Variants in HLF observed in about 807,000 individuals in gnomAD.
HLF encodes the protein HLF transcription factor, PAR bZIP family member, also known as hepatic leukemia factor.
A neutral mutation model predicts 22.6 loss-of-function variants in HLF; 3 were observed. That is an observed-to-expected ratio of 0.13 (90% confidence interval 0.06 to 0.34). HLF has a LOEUF of 0.34. HLF is among the 10% of genes least tolerant of loss of function. The probability of loss-of-function intolerance (pLI) is 1.00; values close to 1 mark genes in which losing one functional copy is unlikely to be tolerated. For synonymous variants in HLF, 151 were observed against 151.8 expected, an observed-to-expected ratio of 0.99 and a Z score of 0.04; for missense variants, 299 against 389.2, an observed-to-expected ratio of 0.77 and a Z score of 1.95.
chr17:55,289,616 A>C (rs1024247123), intron 2 of HLF, among the ~76,000 whole-genome samples: 5 of 152,220 alleles, frequency 3.3e-5, no homozygotes, highest in Non-Finnish European at 7.3e-5. Flanking sequence ...TTTGAGAATG[A>C]CTTAAAATAC....
At chr17:55,296,738 A>G (rs532180376) in intron 2 of HLF, among the ~76,000 whole-genome samples, 33 of 152,320 alleles carry the variant, frequency 2.2e-4, no homozygotes, top group African/African-American at 7.7e-4. Flanking sequence ...CTAGATGTGG[A>G]ATTGCTGGAT....
intron 2 of HLF, among the ~76,000 whole-genome samples, chr17:55,274,058 G>A (rs1221087821): frequency 6.8e-6 from 1 of 147,242 alleles, no homozygotes; most frequent in East Asian, 2.0e-4. Context: ...GTGCCTACCA[G>A]ACTAGAAAAA....
chr17:55,282,425 A>G (rs2080962784), intron 2 of HLF, among the ~76,000 whole-genome samples: 1 of 152,214 alleles, frequency 6.6e-6, no homozygotes. Flanking sequence ...GGAATAATCT[A>G]CGTCCTTCTA....
chr17:55,270,960 T>C (rs2080850182), intron 2 of HLF, among the ~76,000 whole-genome samples: 1 of 152,150 alleles, frequency 6.6e-6, no homozygotes, highest in African/African-American at 2.4e-5. Flanking sequence ...ATCTTGTGTC[T>C]TACGCTTTAT....
intron 2 of HLF, among the ~76,000 whole-genome samples, chr17:55,287,934 A>G (rs1440265801): frequency 2.0e-5 from 3 of 152,186 alleles, no homozygotes; most frequent in Non-Finnish European, 2.9e-5. Context: ...TTTCATTAGA[A>G]ATGGTTTGAA....
At chr17:55,278,226 A>G (rs1207214506) in intron 2 of HLF, among the ~76,000 whole-genome samples, 1 of 152,260 alleles carries the variant, frequency 6.6e-6, no homozygotes, top group Admixed American at 6.5e-5. Context: ...TGCATGCTAC[A>G]GAAAGATGCT....
At chr17:55,269,260 C>A (rs2080828687) in intron 2 of HLF, among the ~76,000 whole-genome samples, 1 of 152,140 alleles carries the variant, frequency 6.6e-6, no homozygotes, top group African/African-American at 2.4e-5. Context: ...GCCCCTTCTC[C>A]AAAATTCACT....
chr17:55,279,838 C>G (rs2080937815), intron 2 of HLF, among the ~76,000 whole-genome samples: 1 of 152,108 alleles, frequency 6.6e-6, no homozygotes, highest in Non-Finnish European at 1.5e-5. Flanking sequence ...TCTCCATTCC[C>G]CCCCACCACT....
At chr17:55,304,964 G>A (rs976782239) in intron 2 of HLF, among the ~76,000 whole-genome samples, 30 of 152,252 alleles carry the variant, frequency 2.0e-4, no homozygotes, top group African/African-American at 7.2e-4. Context: ...ACAGGCCCAA[G>A]GAAAGGGGCT....
intron 2 of HLF, among the ~76,000 whole-genome samples, chr17:55,304,764 G>A (rs941168820): frequency 6.6e-6 from 1 of 152,092 alleles, no homozygotes; most frequent in African/African-American, 2.4e-5. Context: ...CCTACCAAGG[G>A]GCCTTCCCAC....
At chr17:55,293,313 G>A (rs1003440807) in intron 2 of HLF, among the ~76,000 whole-genome samples, 6 of 152,144 alleles carry the variant, frequency 3.9e-5, no homozygotes, top group African/African-American at 9.7e-5. Flanking sequence ...CCGGTGGAAC[G>A]ACCATTACAT....
chr17:55,298,487 A>G (rs2081129173), intron 2 of HLF, among the ~76,000 whole-genome samples: 1 of 152,220 alleles, frequency 6.6e-6, no homozygotes, highest in Admixed American at 6.5e-5. Context: ...TGTCCCATGA[A>G]GGTTTCTCCA....
chr17:55,315,191 G>C, intron 2 of HLF, 36 bp from the exon 3 acceptor site: 1 of 1,548,436 alleles, frequency 6.5e-7, no homozygotes, highest in Non-Finnish European at 8.9e-7. Flanking sequence ...GGTCTCTCTA[G>C]GGTGTTCATG....
At chr17:55,268,418 AACTT>A (rs2080817060) in intron 2 of HLF, among the ~76,000 whole-genome samples, 1 of 152,226 alleles carries the variant, frequency 6.6e-6, no homozygotes, top group Non-Finnish European at 1.5e-5. Flanking sequence ...TTTAAGAAAT[AACTT>A]ACAGTTAATG....
intron 2 of HLF, among the ~76,000 whole-genome samples, chr17:55,293,888 G>A (rs1457738452): frequency 6.6e-6 from 1 of 152,206 alleles, no homozygotes; most frequent in East Asian, 1.9e-4. Context: ...TGTGGAGGGA[G>A]TGAGGAGGAA....
intron 2 of HLF, among the ~76,000 whole-genome samples, chr17:55,286,556 AT>A (rs752492799): frequency 1.3e-5 from 2 of 152,176 alleles, no homozygotes; most frequent in African/African-American, 2.4e-5. Flanking sequence ...TGGTTTTGGA[AT>A]TTTAAACCTT....
chr17:55,300,865 G>A (rs1033952352), intron 2 of HLF, among the ~76,000 whole-genome samples: 9 of 152,144 alleles, frequency 5.9e-5, no homozygotes, highest in African/African-American at 1.7e-4. Context: ...ATAGTTCCCC[G>A]TTCTCTTGAG....
chr17:55,292,403 A>G (rs2081071954), intron 2 of HLF, among the ~76,000 whole-genome samples: 1 of 152,238 alleles, frequency 6.6e-6, no homozygotes, highest in Non-Finnish European at 1.5e-5. Flanking sequence ...ATAAGTAAAA[A>G]TGGCCCACTA....
At chr17:55,275,240 C>G (rs892575144) in intron 2 of HLF, among the ~76,000 whole-genome samples, 1 of 152,108 alleles carries the variant, frequency 6.6e-6, no homozygotes, top group Non-Finnish European at 1.5e-5. Context: ...GGACTACAGG[C>G]ATGCACCACC....
Sources: allele counts gnomAD v4.1 joint callset (sites outside exome capture counted in the v4.1 genomes callset), GRCh38; gene constraint gnomAD v4.1.1; transcripts MANE v1.5; gene names NCBI Gene and HGNC (gene_info 2026-07-23, HGNC 2026-07-21).